ALMS1: variants seen among roughly 807,000 people sequenced by gnomAD.
ALMS1 encodes the protein centrosome-associated protein ALMS1.
In ALMS1, 271 loss-of-function variants were observed where a neutral mutation model predicts 352.2. That is an observed-to-expected ratio of 0.77 (90% CI 0.70 to 0.85). The LOEUF (loss-of-function observed/expected upper bound fraction) is 0.85, where lower values mean the gene tolerates loss of function less well. Among genes scored for constraint, ALMS1 ranks in the 40% least tolerant of loss-of-function variants. The pLI, the probability that ALMS1 is intolerant of heterozygous loss-of-function variation, is 0.00. For missense variants in ALMS1, 5,445 were observed against 4,870.7 expected, an observed-to-expected ratio of 1.12 and a Z score of -3.51; for synonymous variants, 1,865 against 1,761.2, an observed-to-expected ratio of 1.06 and a Z score of -1.48.
rs398122992 is a variant in ALMS1 at position 73,572,989 on chromosome 2, GAGGTCTAATCAAATTAAAA to G, written c.11113_11131del (p.Arg3705LeufsTer11). On this transcript the variant is annotated frameshift_variant, in exon 16 of 23. Coordinates refer to ENST00000613296, the MANE Select transcript of ALMS1 (RefSeq NM_001378454.1). LOFTEE classifies it high-confidence loss of function. The stretch of plus-strand genomic sequence containing the variant: ...AGGTGCTTTCTCATCATCGAGCTGG[GAGGTCTAATCAAATTAAAA>G]TTGAACAGATTAAATTTGATAAATA... The G allele has an allele frequency of 1.9e-6, 3 of 1,613,968 alleles. No homozygotes were observed. In the East Asian group the frequency reaches 6.7e-5, roughly 36 times the overall value.
rs1386282633 is a variant in ALMS1, at chr2:73,568,992, CTTCTTTTTTTTTTTTTTTTTTTT to C, written c.10385-3267_10385-3245del. Among the ~76,000 whole-genome samples, 7 of 66,932 alleles carry C rather than the reference CTTCTTTTTTTTTTTTTTTTTTTT, an allele frequency of 1.0e-4. No individual in the cohort carries two copies. In the East Asian group the frequency reaches 2.0e-3, roughly 19 times the overall value. 43.9% of individuals were successfully genotyped at this position (66,932 alleles called of 152,430 possible). On this transcript the variant is annotated intron_variant, in intron 15 of 22. Coordinates refer to ENST00000613296, the MANE Select transcript of ALMS1 (RefSeq NM_001378454.1). ...TTCAGCTTGCTTGCTGCTGCTTCTG[CTTCTTTTTTTTTTTTTTTTTTTT>C]TTTTTTTTTTTTTTTTTGAGATGAA... is the stretch of plus-strand genomic sequence containing the variant.
intron 11 of ALMS1, among the ~76,000 whole-genome samples, chr2:73,520,903 ATGGAGACTT>A (rs1673661684): frequency 6.6e-6 from 1 of 152,198 alleles, no homozygotes; most frequent in Admixed American, 6.5e-5. Flanking sequence ...CCAAATGAAG[ATGGAGACTT>A]TACTAATTTT....
At chr2:73,412,345 A>G (rs1278251363) in intron 2 of ALMS1, among the ~76,000 whole-genome samples, 1 of 152,094 alleles carries the variant, frequency 6.6e-6, no homozygotes, top group Non-Finnish European at 1.5e-5. Flanking sequence ...TAGACTTTTG[A>G]ATTTGACTTC....
intron 11 of ALMS1, among the ~76,000 whole-genome samples, chr2:73,523,747 A>G (rs1673732610): frequency 6.6e-6 from 1 of 152,068 alleles, no homozygotes; most frequent in Admixed American, 6.6e-5. Context: ...AGCCTGGGCG[A>G]CAGAGTGAGA....
At chr2:73,454,800 A>G (rs1672026362) in intron 8 of ALMS1, among the ~76,000 whole-genome samples, 2 of 152,214 alleles carry the variant, frequency 1.3e-5, no homozygotes, top group African/African-American at 4.8e-5. Context: ...AAAAACCTCC[A>G]AGTTGTATTT....
Position 73,572,573 on chromosome 2 carries a change from C to G in ALMS1, c.10696C>G (p.Gln3566Glu), listed in dbSNP as rs1044582968. 2.5e-6 allele frequency: 4 copies of G among 1,613,780 alleles called. No individual in the cohort carries two copies. Among genetic ancestry groups the G allele is most frequent in the Non-Finnish European group, 3.4e-6 (4 of 1,179,952 alleles). ...AGAAGTGATGGATACTACTAAAAGT[C>G]AAGTTAGAGATTATCCAAAACATAA... ...NKEVMDTTKS[Q>E]VRDYPKHNGQ... is the part of the protein sequence containing the mutation. Residue 3566 changes from glutamine to glutamate, a missense_variant, in exon 16 of 23, where the codon CAA becomes GAA. Transcript: ENST00000613296.
chr2:73,587,086 T>C (rs1675329544), intron 16 of ALMS1, among the ~76,000 whole-genome samples: 1 of 152,208 alleles, frequency 6.6e-6, no homozygotes, highest in African/African-American at 2.4e-5. Context: ...TTGGTCTTTG[T>C]TGGTGCATAG....
Position 73,523,389 on chromosome 2 carries a change from C to T in ALMS1, c.9781+3373C>T, listed in dbSNP as rs547868292. 5.9e-5 allele frequency among the ~76,000 whole-genome samples: 9 copies of T among 152,280 alleles called. No homozygotes were observed. In the South Asian group the frequency reaches 1.0e-3, roughly 18 times the overall value. ...GAGTTTCTTCCTTAGAAGCAGGCTA[C>T]TAACAATGTGGAATTCATTGCCAAA... On this transcript the variant is annotated intron_variant, in intron 11 of 22. Transcript: ENST00000613296.
Position 73,448,593 on chromosome 2 carries a change from C to A in ALMS1, c.2066C>A (p.Thr689Asn). Residue 689 changes from threonine (T) to asparagine (N), a missense_variant, in exon 8 of 23, where the codon ACT becomes AAT. Thr to Asn is a moderately conservative substitution (Grantham distance 65). Transcript: ENST00000613296. Reference protein sequence around the residue: ...YRQTLPDGHLTDQALKVSAVS... With the variant: ...YRQTLPDGHLNDQALKVSAVS... Reference sequence around the variant, plus strand: ...CAGACCTTGCCAGATGGTCATCTAACTGATCAGGCTCTGAAAGTCTCAGCT... The same window carrying A: ...CAGACCTTGCCAGATGGTCATCTAAATGATCAGGCTCTGAAAGTCTCAGCT... The A allele has an allele frequency of 6.2e-7, 1 of 1,614,026 alleles. No individual in the cohort carries two copies. The highest frequency in any genetic ancestry group is 2.2e-5 in the East Asian group (1 of 44,872).
At chr2:73,550,840 T>A (rs1398425732) in intron 13 of ALMS1, among the ~76,000 whole-genome samples, 1 of 151,968 alleles carries the variant, frequency 6.6e-6, no homozygotes, top group African/African-American at 2.4e-5. Context: ...TGACATGATT[T>A]TTTTTTTTTA....
chr2:73,559,665 T>G (rs1446337895), intron 15 of ALMS1, among the ~76,000 whole-genome samples: 1 of 151,916 alleles, frequency 6.6e-6, no homozygotes, highest in Non-Finnish European at 1.5e-5. Flanking sequence ...GAGAAAAGAG[T>G]CAAGGAGCTA....
At position 73,452,061 on chromosome 2, in the gene ALMS1, T is replaced by C. The variant is rs1465528144; in HGVS notation, c.5534T>C (p.Ile1845Thr). 6.2e-7 allele frequency: 1 copy of C among 1,613,900 alleles called. No homozygotes were observed. The highest frequency in any genetic ancestry group is 2.2e-5 in the East Asian group (1 of 44,870). Residue 1845 changes from isoleucine to threonine, a missense_variant, in exon 8 of 23, where the codon ATC becomes ACC. Physicochemically the swap from Ile to Thr is moderately conservative, Grantham distance 89. Coordinates refer to ENST00000613296, the MANE Select transcript of ALMS1 (RefSeq NM_001378454.1). Reference protein sequence around the residue: ...GPADQKTGINILPSNSYPQRE... With the variant: ...GPADQKTGINTLPSNSYPQRE... ...GCTGACCAGAAGACTGGAATAAACA[T>C]CCTGCCCTCTAATTCCTACCCACAG... is the stretch of plus-strand genomic sequence containing the variant.
At chr2:73,547,745 A>C (rs1458841493) in intron 12 of ALMS1, among the ~76,000 whole-genome samples, 1 of 152,184 alleles carries the variant, frequency 6.6e-6, no homozygotes, top group Non-Finnish European at 1.5e-5. Flanking sequence ...TCTTGCCACT[A>C]TATGGAGAAA....
chr2:73,579,612 G>A lies in ALMS1; in HGVS notation c.11547+6188G>A, dbSNP rs571149584. 3.9e-5 allele frequency among the ~76,000 whole-genome samples: 6 copies of A among 152,192 alleles called. No individual in the cohort carries two copies. The East Asian group carries it at 5.8e-4, about 15-fold the overall frequency. ...TGACCTCAGGTGAGCCACCCACCTCGGCCTCCCAAAGTCTCCTTTATTCTT... is the reference window on the plus strand; with the variant it reads ...TGACCTCAGGTGAGCCACCCACCTCAGCCTCCCAAAGTCTCCTTTATTCTT... On this transcript the variant is annotated intron_variant, in intron 16 of 22. Coordinates refer to ENST00000613296, the MANE Select transcript of ALMS1 (RefSeq NM_001378454.1).
At chr2:73,599,735 A>G (rs1675632391) in intron 17 of ALMS1, among the ~76,000 whole-genome samples, 2 of 151,900 alleles carry the variant, frequency 1.3e-5, no homozygotes, top group Non-Finnish European at 2.9e-5. Flanking sequence ...TTTCAGTGGG[A>G]GTAGAAGTTG....
intron 9 of ALMS1, among the ~76,000 whole-genome samples, chr2:73,467,707 T>G (rs137970550): frequency 6.6e-6 from 1 of 152,034 alleles, no homozygotes; most frequent in Non-Finnish European, 1.5e-5. Context: ...AAGAGTAGAA[T>G]AGATGAATCA....
intron 12 of ALMS1, among the ~76,000 whole-genome samples, chr2:73,537,170 A>G (rs1414613096): frequency 6.6e-6 from 1 of 152,354 alleles, no homozygotes; most frequent in East Asian, 1.9e-4. Context: ...ACATTTACAG[A>G]CAAGTATTTT....
At chr2:73,398,814 T>C (rs1204210392) in intron 1 of ALMS1, among the ~76,000 whole-genome samples, 1 of 152,154 alleles carries the variant, frequency 6.6e-6, no homozygotes, top group Non-Finnish European at 1.5e-5. Flanking sequence ...GTTTTACTTA[T>C]TAATTCCAGG....
At chr2:73,558,123 C>A (rs1674581876) in intron 14 of ALMS1, among the ~76,000 whole-genome samples, 1 of 152,282 alleles carries the variant, frequency 6.6e-6, no homozygotes, top group Admixed American at 6.5e-5. Flanking sequence ...CAGACTTAGA[C>A]ACATGGTCAC....
Sources: allele counts gnomAD v4.1 joint callset (sites outside exome capture counted in the v4.1 genomes callset), GRCh38; gene constraint gnomAD v4.1.1; transcripts MANE v1.5; gene names NCBI Gene and HGNC (gene_info 2026-07-23, HGNC 2026-07-21).